Variants in DIS3 observed in about 807,000 individuals in gnomAD.
DIS3 encodes DIS3 exosome endoribonuclease and 3'-5' exoribonuclease, also known as exosome complex exonuclease RRP44.
DIS3 carries 103 observed loss-of-function variants against 113.0 expected under a neutral mutation model. The observed-to-expected ratio is 0.91, with a 90% CI of 0.78 to 1.07. DIS3 has a LOEUF of 1.07. Among genes scored for constraint, DIS3 ranks in the 50% least tolerant of loss-of-function variants. The probability of loss-of-function intolerance (pLI) is 0.00; values close to 1 mark genes in which losing one functional copy is unlikely to be tolerated. For synonymous variants in DIS3, 402 were observed against 394.3 expected (o/e 1.02, Z -0.23); for missense variants, 1,121 against 1,167.1 (o/e 0.96, Z 0.58).
intron 6 of DIS3, 78 bp downstream of exon 6, chr13:72,775,133 T>C (rs901496714): frequency 7.1e-6 from 10 of 1,402,650 alleles, no homozygotes; most frequent in Non-Finnish European, 8.6e-6. Context: ...CTGAAAGCAA[T>C]GAAACTTGTT....
intron 14 of DIS3, among the ~76,000 whole-genome samples, chr13:72,767,648 C>T (rs2033783990): frequency 6.6e-6 from 1 of 152,156 alleles, no homozygotes; most frequent in Non-Finnish European, 1.5e-5. Flanking sequence ...TCTATGTGTG[C>T]CCTGTCCAAT....
chr13:72,781,833 C>T lies in DIS3; in HGVS notation c.-1G>A, dbSNP rs755823817. On this transcript the variant is annotated 5_prime_UTR_variant, in exon 1 of 21. Transcript: ENST00000377767. ...TTAAGAACGTCTTGGACTTGAGCAT[C>T]TTGCCTCGCCGCGCAGAATCCTAAC... is the stretch of plus-strand genomic sequence containing the variant. 7 of 1,577,120 alleles carry T rather than the reference C, an allele frequency of 4.4e-6. No homozygotes were observed. Among genetic ancestry groups the T allele is most frequent in the Non-Finnish European group, 6.0e-6 (7 of 1,158,376 alleles).
intron 15 of DIS3, 125 bp downstream of exon 15, chr13:72,765,847 T>TAA: frequency 1.5e-6 from 1 of 687,990 alleles, no homozygotes; most frequent in South Asian, 4.0e-5. Context: ...GCAAGCCAAA[T>TAA]AAAGTAGAAA....
intron 1 of DIS3, 127 bp downstream of exon 1, chr13:72,781,478 C>T (rs1477065297): frequency 4.9e-6 from 7 of 1,435,444 alleles, no homozygotes; most frequent in Non-Finnish European, 6.5e-6. Flanking sequence ...GCTTCGGTCC[C>T]GAGGGGGTTT....
intron 6 of DIS3, among the ~76,000 whole-genome samples, chr13:72,774,735 C>T (rs1004472654): frequency 6.6e-6 from 1 of 151,964 alleles, no homozygotes; most frequent in African/African-American, 2.4e-5. Context: ...AGACTTAGCG[C>T]ATATCATAAG....
Position 72,771,808 on chromosome 13 carries a change from TAC to T in DIS3, c.1590_1591del (p.Tyr531SerfsTer3), listed in dbSNP as rs925994424. On this transcript the variant is annotated frameshift_variant, in exon 11 of 21. Transcript: ENST00000377767. LOFTEE classifies it high-confidence loss of function. ...CAATACATTTACCTTTTCACAAAGA[TAC>T]ACAGTTGTTCCTCTTCTGGCTGATT... is the stretch of plus-strand genomic sequence containing the variant. 6.2e-7 allele frequency: 1 copy of T among 1,613,500 alleles called. No individual in the cohort carries two copies. The highest frequency in any genetic ancestry group is 8.5e-7 in the Non-Finnish European group (1 of 1,179,842).
At chr13:72,770,054 C>T (rs977857406) in intron 13 of DIS3, among the ~76,000 whole-genome samples, 26 of 152,312 alleles carry the variant, frequency 1.7e-4, no homozygotes, top group Admixed American at 1.6e-3. Flanking sequence ...GTGACTTAAA[C>T]ATCATTTCTG....
At chr13:72,773,889 T>G (rs2033946378) in intron 7 of DIS3, 57 bp downstream of exon 7, 1 of 1,589,810 alleles carries the variant, frequency 6.3e-7, no homozygotes, top group Non-Finnish European at 8.5e-7. Flanking sequence ...AGAAAGGCTA[T>G]AAGTTCTATT....
At position 72,773,742 on chromosome 13, in the gene DIS3, TC is replaced by T; in HGVS notation, c.1180del (p.Glu394LysfsTer24). The T allele has an allele frequency of 6.2e-7, 1 of 1,614,058 alleles. No individual in the cohort carries two copies. The highest frequency in any genetic ancestry group is 8.5e-7 in the Non-Finnish European group (1 of 1,179,992). ...AATAGCAACAATAATTCTCCGTCCT[TC>T]TAATGTGGAAGCCTGTCTGGTTTCT... ...RIETRQASTL[E>X]GRRIIVAIDG... On this transcript the variant is annotated frameshift_variant, in exon 8 of 21. Coordinates refer to ENST00000377767, the MANE Select transcript of DIS3 (RefSeq NM_014953.5). LOFTEE classifies it high-confidence loss of function.
Position 72,756,198 on chromosome 13 carries a change from G to A in DIS3, c.*3597C>T, listed in dbSNP as rs953893321. The A allele has an allele frequency of 5.6e-6, 2 of 357,284 alleles. No individual in the cohort carries two copies. The highest frequency in any genetic ancestry group is 1.0e-5 in the Non-Finnish European group (2 of 200,820). 22.1% of individuals were successfully genotyped at this position (357,284 alleles called of 1,614,324 possible). A position where few individuals can be genotyped will look rare whatever the true frequency, so the allele number is the denominator to read the frequency against. Reference sequence around the variant, plus strand: ...GGGAATAAAGACCTGTGTTATCAATGTGTCATTTTCTTCTTTCCTCCATAA... The same window carrying A: ...GGGAATAAAGACCTGTGTTATCAATATGTCATTTTCTTCTTTCCTCCATAA... On this transcript the variant is annotated 3_prime_UTR_variant, in exon 21 of 21. Coordinates refer to ENST00000377767, the MANE Select transcript of DIS3 (RefSeq NM_014953.5).
Position 72,771,877 on chromosome 13 carries a change from T to C in DIS3, c.1523A>G (p.Asp508Gly), listed in dbSNP as rs768281286. 3.1e-6 allele frequency: 5 copies of C among 1,613,516 alleles called. No individual in the cohort carries two copies. The highest frequency in any genetic ancestry group is 4.2e-6 in the Non-Finnish European group (5 of 1,179,850). ...GNLEVGVHIA[D>G]VSHFIRPGNA... ...TCCTGGCCTAATAAAATGGCTCACA[T>C]CAGCAATATGAACACCAACCTTAAA... is the stretch of plus-strand genomic sequence containing the variant. Residue 508 changes from aspartate (D) to glycine (G), a missense_variant, in exon 11 of 21, where the codon GAT (aspartate) becomes GGT (glycine). Physicochemically the swap from Asp to Gly is moderately conservative, Grantham distance 94 (BLOSUM62 -1). Coordinates refer to ENST00000377767, the MANE Select transcript of DIS3 (RefSeq NM_014953.5).
intron 15 of DIS3, among the ~76,000 whole-genome samples, chr13:72,764,105 T>C (rs1354660437): frequency 2.6e-5 from 4 of 152,028 alleles, no homozygotes; most frequent in Non-Finnish European, 5.9e-5. Context: ...TGAGCCGAGA[T>C]CGCATCACTG....
At position 72,780,924 on chromosome 13, in the gene DIS3, G is replaced by A. The variant is rs1367047317; in HGVS notation, c.308C>T (p.Ala103Val). 14 of 1,612,646 alleles carry A rather than the reference G, an allele frequency of 8.7e-6. No individual in the cohort carries two copies. Among genetic ancestry groups the A allele is most frequent in the African/African-American group, 1.3e-5 (1 of 74,618 alleles). ...ATCTCGGATGCGTTTATATACGGGG[G>A]CACTGCGATTTCTCACTTCTTGAAG... is the stretch of plus-strand genomic sequence containing the variant. ...TVLQEVRNRSAPVYKRIRDVT... is the reference protein window; with the variant it reads ...TVLQEVRNRSVPVYKRIRDVT... Residue 103 changes from alanine to valine, a missense_variant, in exon 2 of 21, where the codon GCC (alanine) becomes GTC (valine). By Grantham distance (64) the Ala-to-Val change is moderately conservative (BLOSUM62 0). Around this residue, in one of 3 missense-constraint regions of DIS3, gnomAD observed 254 missense variants for 232.2 expected, o/e 1.09. Coordinates refer to ENST00000377767, the MANE Select transcript of DIS3 (RefSeq NM_014953.5).
At chr13:72,781,141 C>T in intron 1 of DIS3, 138 bp from the exon 2 acceptor site, 1 of 1,344,318 alleles carries the variant, frequency 7.4e-7, no homozygotes, top group Non-Finnish European at 1.0e-6. Flanking sequence ...AGCTATTTGG[C>T]TATAGAAAAC....
chr13:72,769,474 G>C (rs569975191), intron 13 of DIS3, among the ~76,000 whole-genome samples: 2 of 149,780 alleles, frequency 1.3e-5, no homozygotes, highest in Admixed American at 6.7e-5. Flanking sequence ...ATTTCTCTCA[G>C]AGAAATCCAT....
At chr13:72,771,215 CA>C in intron 11 of DIS3, 70 bp from the exon 12 acceptor site, 1 of 1,216,314 alleles carries the variant, frequency 8.2e-7, no homozygotes, top group Non-Finnish European at 1.2e-6. Flanking sequence ...GTTCTATTCT[CA>C]AATAACATTA....
intron 10 of DIS3, 79 bp downstream of exon 10, chr13:72,772,080 C>A: frequency 7.5e-7 from 1 of 1,338,836 alleles, no homozygotes; most frequent in South Asian, 1.3e-5. Context: ...AATTAACAAG[C>A]AAATTCTATT....
intron 4 of DIS3, 132 bp from the exon 5 acceptor site, chr13:72,776,224 G>T: frequency 1.2e-6 from 1 of 853,524 alleles, no homozygotes; most frequent in Non-Finnish European, 1.7e-6. Flanking sequence ...AGAGAAGATA[G>T]CAGTGTTTCT....
chr13:72,761,274 A>G, intron 19 of DIS3, 89 bp downstream of exon 19: 1 of 1,473,618 alleles, frequency 6.8e-7, no homozygotes, highest in Non-Finnish European at 9.0e-7. Context: ...GGGTACAAAA[A>G]ATAATTTTAT....
Sources: gnomAD v4.1 joint callset for allele counts (sites outside exome capture counted in the v4.1 genomes callset) on GRCh38, gnomAD v4.1.1 for gene constraint, gnomAD v4.1.1 regional missense constraint, MANE v1.5 for transcripts, NCBI Gene and HGNC (gene_info 2026-07-23, HGNC 2026-07-21) for gene names.